NTRK2: variants seen among roughly 807,000 people sequenced by gnomAD.
NTRK2 encodes BDNF/NT-3 growth factors receptor.
In NTRK2, 13 loss-of-function variants were observed where a neutral mutation model predicts 94.5. That is an observed-to-expected ratio of 0.14 (90% CI 0.09 to 0.22). The LOEUF is 0.22. Ranked by LOEUF, NTRK2 falls within the 10% of genes least tolerant of loss-of-function variation. The pLI is 1.00. For synonymous variants in NTRK2, 372 were observed against 407.4 expected, an observed-to-expected ratio of 0.91 and a Z score of 1.05; for missense variants, 639 against 1,071.2, an observed-to-expected ratio of 0.60 and a Z score of 5.63.
At chr9:84,903,071 G>A (rs750350426) in intron 14 of NTRK2, among the ~76,000 whole-genome samples, 39 of 152,210 alleles carry the variant, frequency 2.6e-4, no homozygotes, top group African/African-American at 3.6e-4. Flanking sequence ...TGTACTGCTC[G>A]TTTGAAAATC....
intron 12 of NTRK2, among the ~76,000 whole-genome samples, chr9:84,829,657 G>A (rs1284010067): frequency 1.3e-5 from 2 of 152,192 alleles, no homozygotes; most frequent in East Asian, 3.9e-4. Context: ...CCCGGGAGAG[G>A]ACACAGTGAG....
At chr9:84,759,300 C>A (rs535410202) in intron 12 of NTRK2, among the ~76,000 whole-genome samples, 3 of 152,314 alleles carry the variant, frequency 2.0e-5, no homozygotes, top group South Asian at 2.1e-4. Flanking sequence ...TATCTGAGAG[C>A]AGAAGATGCT....
chr9:84,861,975 C>T (rs2075360140), intron 13 of NTRK2, among the ~76,000 whole-genome samples: 1 of 152,184 alleles, frequency 6.6e-6, no homozygotes, highest in Non-Finnish European at 1.5e-5. Flanking sequence ...TTTCCTGTCA[C>T]TTTCCATCCT....
chr9:84,833,687 A>G (rs1402656747), intron 12 of NTRK2, among the ~76,000 whole-genome samples: 2 of 152,116 alleles, frequency 1.3e-5, no homozygotes, highest in Admixed American at 6.6e-5. Context: ...TCCTATAGAT[A>G]CTAAGATGAG....
At position 84,670,712 on chromosome 9, in the gene NTRK2, CG is replaced by C. The variant is rs760460089; in HGVS notation, c.-33del. ...GTGGGGGAAAGCGGCCGGTGCAGCG[CG>C]GGGACAGGCACTCGGGCTGGCACTG... On this transcript the variant is annotated 5_prime_UTR_variant, in exon 2 of 19. Coordinates refer to ENST00000277120, the MANE Select transcript of NTRK2 (RefSeq NM_006180.6). 12 of 1,602,088 alleles carry C rather than the reference CG, an allele frequency of 7.5e-6. No homozygotes were observed. In the African/African-American group the frequency reaches 1.5e-4, roughly 20 times the overall value.
chr9:84,824,119 C>T (rs1471576892), intron 12 of NTRK2, among the ~76,000 whole-genome samples: 2 of 152,172 alleles, frequency 1.3e-5, no homozygotes, highest in African/African-American at 4.8e-5. Context: ...GCTTAGGGAG[C>T]TGGGCTTTCA....
intron 12 of NTRK2, chr9:84,814,359 A>G (rs2072145338): frequency 9.4e-7 from 1 of 1,065,482 alleles, no homozygotes; most frequent in African/African-American, 1.6e-5. Context: ...GTTTCACGCC[A>G]GGTGCGAGAG....
Position 84,751,975 on chromosome 9 carries a change from C to T in NTRK2, c.1297-11C>T. 1 of 1,612,444 alleles carries T rather than the reference C, an allele frequency of 6.2e-7. No individual in the cohort carries two copies. The highest frequency in any genetic ancestry group is 1.1e-5 in the South Asian group (1 of 91,062). ...AGCAAGGTTATAACCACCCTCCCTTCCTTTCTCTAGGTCTATGCTGTGGTG... is the reference window on the plus strand; with the variant it reads ...AGCAAGGTTATAACCACCCTCCCTTTCTTTCTCTAGGTCTATGCTGTGGTG... On this transcript the variant is annotated splice_polypyrimidine_tract_variant and intron_variant, in intron 11 of 18. Coordinates refer to ENST00000277120, the MANE Select transcript of NTRK2 (RefSeq NM_006180.6).
At chr9:84,729,263 T>C (rs867993355) in intron 9 of NTRK2, among the ~76,000 whole-genome samples, 2 of 152,234 alleles carry the variant, frequency 1.3e-5, no homozygotes, top group South Asian at 4.1e-4. Context: ...CAAAATGTGA[T>C]TTGGAATATG....
intron 12 of NTRK2, among the ~76,000 whole-genome samples, chr9:84,790,852 T>C (rs1323950890): frequency 6.6e-6 from 1 of 152,202 alleles, no homozygotes; most frequent in Non-Finnish European, 1.5e-5. Flanking sequence ...CAGTTATTAT[T>C]ACTAAAAGGA....
At chr9:84,823,032 C>T (rs1310078237) in intron 12 of NTRK2, among the ~76,000 whole-genome samples, 1 of 152,124 alleles carries the variant, frequency 6.6e-6, no homozygotes, top group Non-Finnish European at 1.5e-5. Flanking sequence ...TCGGAAACTC[C>T]ACTTCCTTAA....
chr9:84,717,127 A>G (rs2061756005), intron 6 of NTRK2, among the ~76,000 whole-genome samples: 1 of 152,136 alleles, frequency 6.6e-6, no homozygotes, highest in South Asian at 2.1e-4. Context: ...TGTGTGCACA[A>G]ATAGAAGTGA....
chr9:84,695,679 C>T (rs553339995), intron 2 of NTRK2, among the ~76,000 whole-genome samples: 1 of 152,368 alleles, frequency 6.6e-6, no homozygotes, highest in African/African-American at 2.4e-5. Context: ...TTTCCGATCA[C>T]TCTTCAAAGC....
At chr9:84,830,208 A>G (rs995860864) in intron 12 of NTRK2, among the ~76,000 whole-genome samples, 1 of 152,160 alleles carries the variant, frequency 6.6e-6, no homozygotes, top group Non-Finnish European at 1.5e-5. Context: ...CACCTTTCTC[A>G]GGCCCTCCCA....
In NTRK2 at chr9:84,670,513, A is replaced by G. The variant is rs559660218; in HGVS notation, c.-236A>G. ...CCGCCGCGGAGCTCCGAGCAGCGGT[A>G]GCGCCCCCCTGTAAAGCGGTTCGCT... is the stretch of plus-strand genomic sequence containing the variant. On this transcript the variant is annotated 5_prime_UTR_variant, in exon 2 of 19. The change abolishes the stop of an existing upstream ORF in the 5' untranslated region. Coordinates refer to ENST00000277120, the MANE Select transcript of NTRK2 (RefSeq NM_006180.6). 1.8e-6 allele frequency: 1 copy of G among 556,634 alleles called. No individual in the cohort carries two copies. The highest frequency in any genetic ancestry group is 1.9e-5 in the African/African-American group (1 of 53,150). 34.5% of individuals were successfully genotyped at this position (556,634 alleles called of 1,614,324 possible).
chr9:84,699,849 T>C (rs2060615498), intron 2 of NTRK2, among the ~76,000 whole-genome samples: 1 of 152,192 alleles, frequency 6.6e-6, no homozygotes, highest in Non-Finnish European at 1.5e-5. Flanking sequence ...CCATTTTTAT[T>C]TGCTGGTTCG....
At chr9:84,745,973 C>T (rs890206475) in intron 11 of NTRK2, among the ~76,000 whole-genome samples, 4 of 152,188 alleles carry the variant, frequency 2.6e-5, no homozygotes, top group African/African-American at 9.6e-5. Context: ...TGTTTCTTTT[C>T]CTCACTGTCA....
chr9:84,792,614 C>G (rs2068844162), intron 12 of NTRK2, among the ~76,000 whole-genome samples: 1 of 152,164 alleles, frequency 6.6e-6, no homozygotes, highest in South Asian at 2.1e-4. Context: ...TAAGCTAAGA[C>G]AGTGGTCAAA....
chr9:84,949,499 G>T (rs1009984550), intron 16 of NTRK2, among the ~76,000 whole-genome samples: 2 of 151,484 alleles, frequency 1.3e-5, no homozygotes, highest in Non-Finnish European at 2.9e-5. Flanking sequence ...ACAGAGTCTC[G>T]CTCTGTCACC....
Sources: allele counts gnomAD v4.1 joint callset (sites outside exome capture counted in the v4.1 genomes callset), GRCh38; gene constraint gnomAD v4.1.1; transcripts MANE v1.5; gene names NCBI Gene and HGNC (gene_info 2026-07-23, HGNC 2026-07-21).